Variants in CACNA1S observed in about 807,000 individuals in gnomAD.
CACNA1S encodes the protein voltage-dependent L-type calcium channel subunit alpha-1S.
A neutral mutation model predicts 207.4 loss-of-function variants in CACNA1S; 126 were observed. That is an observed-to-expected ratio of 0.61 (90% CI 0.53 to 0.70). CACNA1S has a LOEUF of 0.70. CACNA1S is among the 30% of genes least tolerant of loss of function. CACNA1S has a pLI of 0.00. For missense variants in CACNA1S, 2,349 were observed against 2,422.8 expected (o/e 0.97, Z 0.64); for synonymous variants, 960 against 932.7 (o/e 1.03, Z -0.53).
intron 42 of CACNA1S, 22 bp downstream of exon 42, chr1:201,040,600 C>T (rs1226843091): frequency 6.2e-7 from 1 of 1,607,076 alleles, no homozygotes; most frequent in South Asian, 1.1e-5. Context: ...GGAGTTTGCT[C>T]CCAGGCCTCT....
At chr1:201,084,293 A>C (rs1225038111) in intron 9 of CACNA1S, among the ~76,000 whole-genome samples, 2 of 152,230 alleles carry the variant, frequency 1.3e-5, no homozygotes, top group South Asian at 4.2e-4. Flanking sequence ...AAAACAAAAA[A>C]ATCCTGGCAC....
At position 201,083,185 on chromosome 1, in the gene CACNA1S, G is replaced by A. The variant is rs1450678337; in HGVS notation, c.1370C>T (p.Pro457Leu). 39 of 1,614,076 alleles carry A rather than the reference G, an allele frequency of 2.4e-5. No homozygotes were observed. The highest frequency in any genetic ancestry group is 3.1e-5 in the Non-Finnish European group (36 of 1,180,026). The part of the protein sequence containing the change: ...LSIASEHHNQ[P>L]LWLTRLQDIA... ...ACCTTGCAAACGGGTCAGCCAGAGA[G>A]GCTGGTTGTGGTGCTCTGAGGCGAT... The change falls in exon 10 of 44, where the codon CCT becomes CTT. Residue 457 changes from proline to leucine, a missense_variant. By Grantham distance (98) the Pro-to-Leu change is moderately conservative. Transcript: ENST00000362061.
At position 201,053,401 on chromosome 1, in the gene CACNA1S, G is replaced by A. The variant is rs1293031122; in HGVS notation, c.3795+58C>T. On this transcript the variant is annotated intron_variant, in intron 30 of 43. Transcript: ENST00000362061. The surrounding 1 kb of genome is among the most constrained non-coding windows in gnomAD (Gnocchi z 5.1). ...TCCCCTGGGGCCCACCCTGGGCTGA[G>A]GCAGATGTCCCTAGTGGCCTCCCCA... 6.2e-7 allele frequency: 1 copy of A among 1,613,752 alleles called. No homozygotes were observed. Among genetic ancestry groups the A allele is most frequent in the South Asian group, 1.1e-5 (1 of 91,086 alleles).
chr1:201,054,362 G>A (rs1452597593), intron 29 of CACNA1S, 143 bp downstream of exon 29: 5 of 803,366 alleles, frequency 6.2e-6, no homozygotes, highest in Non-Finnish European at 1.1e-5. Flanking sequence ...AGCCTAGCCT[G>A]GGTCCTCAGC....
chr1:201,099,864 T>G (rs1387899137), intron 2 of CACNA1S, among the ~76,000 whole-genome samples: 1 of 152,134 alleles, frequency 6.6e-6, no homozygotes, highest in Non-Finnish European at 1.5e-5. Context: ...CAGGCTTTTG[T>G]TTTTCAAAGC....
intron 2 of CACNA1S, among the ~76,000 whole-genome samples, chr1:201,102,241 A>G (rs1189592195): frequency 6.6e-6 from 1 of 152,024 alleles, no homozygotes; most frequent in African/African-American, 2.4e-5. Context: ...TGGGCAGGGA[A>G]AGGCCTCGGA....
At chr1:201,050,694 T>G (rs1475222892) in intron 33 of CACNA1S, among the ~76,000 whole-genome samples, 178 bp from the exon 34 acceptor site, 1 of 152,116 alleles carries the variant, frequency 6.6e-6, no homozygotes, top group Non-Finnish European at 1.5e-5. Flanking sequence ...CTCTGTGCTC[T>G]TGCACAGACA....
At chr1:201,069,007 G>A in intron 19 of CACNA1S, 130 bp downstream of exon 19, 1 of 820,062 alleles carries the variant, frequency 1.2e-6, no homozygotes, top group Non-Finnish European at 2.1e-6. Context: ...GGTGTGCTGG[G>A]TCCCATGAGT....
chr1:201,069,901 C>T (rs1284706044), intron 17 of CACNA1S, among the ~76,000 whole-genome samples: 1 of 152,162 alleles, frequency 6.6e-6, no homozygotes, highest in East Asian at 1.9e-4. Context: ...ACAGGCTGGT[C>T]TCTATCCATG....
intron 22 of CACNA1S, among the ~76,000 whole-genome samples, chr1:201,063,174 A>AT (rs1330210592): frequency 1.3e-5 from 2 of 150,664 alleles, no homozygotes; most frequent in Admixed American, 6.6e-5. Context: ...TTATTATAGA[A>AT]TTTTTTTTAA....
chr1:201,072,672 A>G, intron 16 of CACNA1S, 83 bp downstream of exon 16: 1 of 975,246 alleles, frequency 1.0e-6, no homozygotes, highest in Non-Finnish European at 1.7e-6. Context: ...CACACAAGAG[A>G]CTGCCCATGG....
rs760158071 is a variant in CACNA1S, at chr1:201,085,424, T to G, written c.1150+12A>C. On this transcript the variant is annotated intron_variant, in intron 8 of 43. Transcript: ENST00000362061. ...GTGGGGTGAGTGCTGACCACAGCCTTTGGGCCCAAACCTTCTCTGAAGTCC... is the reference window on the plus strand; with the variant it reads ...GTGGGGTGAGTGCTGACCACAGCCTGTGGGCCCAAACCTTCTCTGAAGTCC... 3 of 1,613,590 alleles carry G rather than the reference T, an allele frequency of 1.9e-6. No individual in the cohort carries two copies. Among genetic ancestry groups the G allele is most frequent in the Non-Finnish European group, 2.5e-6 (3 of 1,179,980 alleles).
At position 201,048,678 on chromosome 1, in the gene CACNA1S, C is replaced by G. The variant is rs542998031; in HGVS notation, c.4345G>C (p.Val1449Leu). Residue 1449 changes from valine to leucine, a missense_variant, in exon 36 of 44, where the codon GTG (valine) becomes CTG (leucine). Physicochemically the swap from Val to Leu is conservative, Grantham distance 32 (BLOSUM62 1). Coordinates refer to ENST00000362061, the MANE Select transcript of CACNA1S (RefSeq NM_000069.3). Reference sequence around the variant, plus strand: ...CTGTTCAGGGGCATGTTCATGCCCACCAGCCGCTGTACAGGGAGACGCAGT... The same window carrying G: ...CTGTTCAGGGGCATGTTCATGCCCAGCAGCCGCTGTACAGGGAGACGCAGT... The part of the protein sequence containing the change: ...CPHRVACKRL[V>L]GMNMPLNSDG... 3.1e-6 allele frequency: 5 copies of G among 1,612,966 alleles called. No homozygotes were observed. Among genetic ancestry groups the G allele is most frequent in the Admixed American group, 1.7e-5 (1 of 60,030 alleles).
intron 26 of CACNA1S, among the ~76,000 whole-genome samples, chr1:201,059,859 C>T (rs1047171346): frequency 3.3e-5 from 5 of 152,198 alleles, no homozygotes; most frequent in Non-Finnish European, 7.4e-5. Context: ...AATCTACTTC[C>T]TTGTAAGTTT....
chr1:201,068,405 C>G (rs1015002080), intron 19 of CACNA1S, among the ~76,000 whole-genome samples: 1 of 150,600 alleles, frequency 6.6e-6, no homozygotes, highest in Non-Finnish European at 1.5e-5. Context: ...GCCATGCCTG[C>G]CTAATTTTTG....
At chr1:201,069,352 C>G (rs570567653) in intron 18 of CACNA1S, 120 bp downstream of exon 18, 225 of 1,499,174 alleles carry the variant, frequency 1.5e-4, no homozygotes, top group Non-Finnish European at 2.0e-4. Context: ...CCCTGAGGAA[C>G]TGAACTCTAA....
chr1:201,087,698 T>G, intron 7 of CACNA1S, 128 bp downstream of exon 7: 2 of 691,402 alleles, frequency 2.9e-6, no homozygotes, highest in Non-Finnish European at 5.2e-6. Flanking sequence ...CCTCCTCCCT[T>G]CTCTCCTCCT....
chr1:201,049,517 A>T lies in CACNA1S; in HGVS notation c.4242-418T>A, dbSNP rs1201408009. On this transcript the variant is annotated intron_variant, in intron 34 of 43. Coordinates refer to ENST00000362061, the MANE Select transcript of CACNA1S (RefSeq NM_000069.3). ...GTCCAGAGCTGGAAACCACATTTTC[A>T]TTGGCACCGTGACTCCCAGAATAGA... Among the ~76,000 whole-genome samples the T allele has an allele frequency of 7.2e-5, 11 of 152,146 alleles. 1 individual carries two copies. Among genetic ancestry groups the T allele is most frequent in the Admixed American group, 7.2e-4 (11 of 15,268 alleles).
At chr1:201,084,273 A>T (rs1168783965) in intron 9 of CACNA1S, among the ~76,000 whole-genome samples, 1 of 152,148 alleles carries the variant, frequency 6.6e-6, no homozygotes, top group Non-Finnish European at 1.5e-5. Context: ...TTATGTAAAA[A>T]ATCAAAACAA....
Sources: gnomAD v4.1 joint callset for allele counts (sites outside exome capture counted in the v4.1 genomes callset) on GRCh38, gnomAD v4.1.1 for gene constraint, Gnocchi (gnomAD v3.1) non-coding constraint, MANE v1.5 for transcripts, NCBI Gene and HGNC (gene_info 2026-07-23, HGNC 2026-07-21) for gene names.